Variants in DDX18 observed in about 807,000 individuals in gnomAD.
The protein encoded by DDX18 is DEAD-box helicase 18.
Under a neutral mutation model 73.5 loss-of-function variants are expected in DDX18, and 23 were observed. The observed-to-expected ratio is 0.31, with a 90% CI of 0.23 to 0.44. The LOEUF is 0.44. DDX18 is among the 20% of genes least tolerant of loss of function. The pLI is 1.00. For missense variants in DDX18, 753 were observed against 792.9 expected (o/e 0.95, Z 0.60); for synonymous variants, 268 against 282.7 (o/e 0.95, Z 0.52).
intron 9 of DDX18, 52 bp downstream of exon 9, chr2:117,825,153 ATAGATTGTAGGATTG>A: frequency 1.9e-6 from 3 of 1,567,538 alleles, no homozygotes; most frequent in Non-Finnish European, 2.6e-6. Flanking sequence ...ATTAAATCCT[ATAGATTGTAGGATTG>A]GAGGTATTGC....
intron 2 of DDX18, among the ~76,000 whole-genome samples, chr2:117,818,263 G>C (rs1209766171): frequency 6.6e-6 from 1 of 152,156 alleles, no homozygotes; most frequent in Non-Finnish European, 1.5e-5. Context: ...ATCAAGGTAG[G>C]ATAAGATAGG....
chr2:117,817,739 AT>A lies in DDX18; in HGVS notation c.370+13del. 1.3e-6 allele frequency: 2 copies of A among 1,581,442 alleles called. No homozygotes were observed. The highest frequency in any genetic ancestry group is 1.7e-6 in the Non-Finnish European group (2 of 1,169,740). ...ATGATGCTGAGCCTGGTAGGTATTT[AT>A]TATCTTTGAACTTCAGCCATTTAGT... On this transcript the variant is annotated intron_variant, in intron 2 of 13. Coordinates refer to ENST00000263239, the MANE Select transcript of DDX18 (RefSeq NM_006773.4).
rs1299440428 is a variant in DDX18, at chr2:117,831,316, A to G, written c.*592A>G. ...TTTTATAGATTCTTGATTTTAAAGC[A>G]ACAGGCCTTTCTCAGGTGTTGCATT... On this transcript the variant is annotated 3_prime_UTR_variant, in exon 14 of 14. Coordinates refer to ENST00000263239, the MANE Select transcript of DDX18 (RefSeq NM_006773.4). 1 of 152,264 alleles carries G rather than the reference A, an allele frequency of 6.6e-6. No homozygotes were observed. The highest frequency in any genetic ancestry group is 1.5e-5 in the Non-Finnish European group (1 of 68,068). 9.4% of individuals were successfully genotyped at this position (152,264 alleles called of 1,614,324 possible).
At position 117,829,037 on chromosome 2, in the gene DDX18, A is replaced by G. The variant is rs770861142; in HGVS notation, c.1692+32A>G. ...GCTTTTTAAACGTTTGTGAGTAAAC[A>G]GGAACCTTGTCCCAGCACTCTGTTT... is the stretch of plus-strand genomic sequence containing the variant. On this transcript the variant is annotated intron_variant, in intron 12 of 13. Transcript: ENST00000263239. 13 of 1,562,470 alleles carry G rather than the reference A, an allele frequency of 8.3e-6. No individual in the cohort carries two copies. In the African/African-American group the frequency reaches 1.4e-4, roughly 16 times the overall value.
rs148822855 is a variant in DDX18, at chr2:117,830,626, G to C, written c.1915G>C (p.Gly639Arg). The C allele has an allele frequency of 2.5e-6, 4 of 1,613,786 alleles. No individual in the cohort carries two copies. In the African/African-American group the frequency reaches 4.0e-5, roughly 16 times the overall value. ...EGKQKKRGGG[G>R]GFGYQKTKKV... ...CAAGCAGAAAAAGCGAGGAGGTGGT[G>C]GTGGATTTGGCTACCAGAAAACCAA... Residue 639 changes from glycine (G) to arginine (R), a missense_variant, in exon 14 of 14, where the codon GGT becomes CGT. Coordinates refer to ENST00000263239, the MANE Select transcript of DDX18 (RefSeq NM_006773.4).
Position 117,829,294 on chromosome 2 carries a change from G to T in DDX18, c.1698G>T (p.Glu566Asp). 1.3e-6 allele frequency: 2 copies of T among 1,585,018 alleles called. No individual in the cohort carries two copies. The highest frequency in any genetic ancestry group is 1.7e-6 in the Non-Finnish European group (2 of 1,169,108). The change falls in exon 13 of 14, where the codon GAG becomes GAT. Residue 566 changes from glutamate (E) to aspartate (D), a missense_variant. Around this residue, in one of 3 missense-constraint regions of DDX18, gnomAD observed 402 missense variants for 419.4 expected, o/e 0.96. Transcript: ENST00000263239. ...SKISDIQSQL[E>D]KLIEKNYFLH... ...AGTGTTTCTTTCTATTTCAGCTTGA[G>T]AAATTGATTGAAAAGAATTACTTTC...
At chr2:117,816,557 T>A (rs902144208) in intron 1 of DDX18, among the ~76,000 whole-genome samples, 3 of 152,224 alleles carry the variant, frequency 2.0e-5, no homozygotes, top group Non-Finnish European at 2.9e-5. Context: ...TCTCCTATGA[T>A]AACAGTGCCT....
At position 117,829,301 on chromosome 2, in the gene DDX18, A is replaced by G; in HGVS notation, c.1705A>G (p.Ile569Val). 6.3e-7 allele frequency: 1 copy of G among 1,588,690 alleles called. No individual in the cohort carries two copies. Among genetic ancestry groups the G allele is most frequent in the Non-Finnish European group, 8.5e-7 (1 of 1,171,268 alleles). ...SDIQSQLEKLIEKNYFLHKSA... is the reference protein window; with the variant it reads ...SDIQSQLEKLVEKNYFLHKSA... ...CTTTCTATTTCAGCTTGAGAAATTGATTGAAAAGAATTACTTTCTTCATAA... is the reference window on the plus strand; with the variant it reads ...CTTTCTATTTCAGCTTGAGAAATTGGTTGAAAAGAATTACTTTCTTCATAA... The change falls in exon 13 of 14, where the codon ATT becomes GTT. Residue 569 changes from isoleucine to valine, a missense_variant. Physicochemically the swap from Ile to Val is conservative, Grantham distance 29. This residue lies in a region of DDX18 where 402 missense variants were observed against 419.4 expected (regional missense o/e 0.96). Transcript: ENST00000263239.
At chr2:117,818,864 A>G (rs1679801471) in intron 2 of DDX18, among the ~76,000 whole-genome samples, 1 of 152,144 alleles carries the variant, frequency 6.6e-6, no homozygotes, top group African/African-American at 2.4e-5. Context: ...GGAAAACAAA[A>G]TAAGCCATGG....
rs772221596 is a variant in DDX18, at chr2:117,825,468, C to T, written c.1390C>T (p.Arg464Cys). 6.8e-6 allele frequency: 11 copies of T among 1,613,248 alleles called. No homozygotes were observed. Among genetic ancestry groups the T allele is most frequent in the Non-Finnish European group, 3.4e-6 (4 of 1,179,518 alleles). The change falls in exon 10 of 14, where the codon CGT becomes TGT. Residue 464 changes from arginine (R) to cysteine (C), a missense_variant. Physicochemically the swap from Arg to Cys is radical, Grantham distance 180. Transcript: ENST00000263239. ...CTAGGGAAAGCAAAAGCAAAATAAG[C>T]GTACAACCACATTCTTCCAGTTCTG... is the stretch of plus-strand genomic sequence containing the variant. ...AIHGKQKQNK[R>C]TTTFFQFCNA...
In DDX18 at chr2:117,821,301, G is replaced by T. The variant is rs200476856; in HGVS notation, c.650+5G>T. On this transcript the variant is annotated splice_donor_5th_base_variant and intron_variant, in intron 4 of 13. Transcript: ENST00000263239. ...CAGACCACTTCTGGAAGGCAGGTAT[G>T]ATTAACATTGAAGCTTAGATATTGG... 3.8e-6 allele frequency: 6 copies of T among 1,598,108 alleles called. No homozygotes were observed. Among genetic ancestry groups the T allele is most frequent in the Non-Finnish European group, 4.3e-6 (5 of 1,175,366 alleles).
chr2:117,816,151 G>A lies in DDX18; in HGVS notation c.85+1289G>A, dbSNP rs184348991. On this transcript the variant is annotated intron_variant, in intron 1 of 13. Coordinates refer to ENST00000263239, the MANE Select transcript of DDX18 (RefSeq NM_006773.4). ...CAGGACTGGAAGTTACCCTGAGCGA[G>A]TCAGTGAGCGGTGAGTGAATGTGAA... Among the ~76,000 whole-genome samples the A allele has an allele frequency of 1.5e-3, 221 of 152,350 alleles. 1 individual carries two copies. Among genetic ancestry groups the A allele is most frequent in the Admixed American group, 0.013 (194 of 15,304 alleles).
chr2:117,820,382 A>C (rs1006691870), intron 3 of DDX18, among the ~76,000 whole-genome samples: 1 of 152,182 alleles, frequency 6.6e-6, no homozygotes, highest in African/African-American at 2.4e-5. Flanking sequence ...CAGTTTTAGC[A>C]CTGAAAGTTC....
rs1393560947 is a variant in DDX18 at position 117,831,500 on chromosome 2, TAACA to T, written c.*779_*782del. 3 of 152,202 alleles carry T rather than the reference TAACA, an allele frequency of 2.0e-5. No individual in the cohort carries two copies. Among genetic ancestry groups the T allele is most frequent in the African/African-American group, 7.2e-5 (3 of 41,440 alleles). 9.4% of individuals were successfully genotyped at this position (152,202 alleles called of 1,614,324 possible). ...TACTGCATTTCTTCATTTGGTAACA[TAACA>T]AAGACTTTCATACAAAGAACGATGA... On this transcript the variant is annotated 3_prime_UTR_variant, in exon 14 of 14. Transcript: ENST00000263239.
chr2:117,824,118 A>C (rs1474572630), intron 7 of DDX18, among the ~76,000 whole-genome samples: 1 of 152,160 alleles, frequency 6.6e-6, no homozygotes, highest in African/African-American at 2.4e-5. Context: ...TTGTCATGTC[A>C]TGTCAGGTTT....
chr2:117,815,134 C>T, intron 1 of DDX18: 1 of 448,992 alleles, frequency 2.2e-6, no homozygotes, highest in Non-Finnish European at 4.0e-6. Flanking sequence ...AGGCTTACGA[C>T]TAACCCTGCC....
rs1366992868 is a variant in DDX18 at position 117,830,701 on chromosome 2, G to A, written c.1990G>A (p.Asp664Asn). ...IFKHISKKSS[D>N]SRQFSH Reference sequence around the variant, plus strand: ...TAAACACATTAGCAAGAAATCATCTGACAGCAGGCAGTTCTCTCACTGAAC... The same window carrying A: ...TAAACACATTAGCAAGAAATCATCTAACAGCAGGCAGTTCTCTCACTGAAC... The change falls in exon 14 of 14, where the codon GAC becomes AAC. Residue 664 changes from aspartate to asparagine, a missense_variant. Physicochemically the swap from Asp to Asn is conservative, Grantham distance 23 (BLOSUM62 1). This residue lies in a region of DDX18 where 402 missense variants were observed against 419.4 expected (regional missense o/e 0.96). Transcript: ENST00000263239. The A allele has an allele frequency of 1.9e-6, 3 of 1,613,492 alleles. No individual in the cohort carries two copies. Among genetic ancestry groups the A allele is most frequent in the Non-Finnish European group, 2.5e-6 (3 of 1,179,652 alleles).
intron 7 of DDX18, 162 bp from the exon 8 acceptor site, chr2:117,824,407 T>G: frequency 1.8e-6 from 1 of 565,588 alleles, no homozygotes; most frequent in East Asian, 3.5e-5. Flanking sequence ...ATAGACCTAG[T>G]GTTTCATGAT....
rs772196321 is a variant in DDX18, at chr2:117,824,942, A to G, written c.1209A>G (p.Gly403=). The G allele has an allele frequency of 1.2e-6, 2 of 1,606,678 alleles. No homozygotes were observed. The highest frequency in any genetic ancestry group is 1.7e-6 in the Non-Finnish European group (2 of 1,178,022). ...ANATVDGLEQ[G]YVVCPSEKRF... The stretch of plus-strand genomic sequence containing the variant: ...CTGTCTGCTTAAACGCTTTCTAGGG[A>G]TATGTTGTTTGTCCTTCTGAAAAGA... The change falls in exon 9 of 14, where the codon GGA becomes GGG. Residue 403 remains glycine (G), a splice_region_variant and synonymous_variant. Transcript: ENST00000263239.
Sources: allele counts gnomAD v4.1 joint callset (sites outside exome capture counted in the v4.1 genomes callset), GRCh38; gene constraint gnomAD v4.1.1; regional missense constraint gnomAD v4.1.1; transcripts MANE v1.5; gene names NCBI Gene and HGNC (gene_info 2026-07-23, HGNC 2026-07-21).